Variants in SI observed in about 807,000 individuals in gnomAD.
The protein encoded by SI is sucrase-isomaltase.
A neutral mutation model predicts 253.3 loss-of-function variants in SI; 235 were observed. The ratio of observed to expected loss-of-function variants is 0.93; its 90% CI spans 0.83 to 1.03. SI has a LOEUF of 1.03. SI is among the 50% of genes least tolerant of loss of function. The pLI is 0.00. For missense variants in SI, 2,442 were observed against 2,211.1 expected, an observed-to-expected ratio of 1.10 and a Z score of -2.09; for synonymous variants, 819 against 712.0, an observed-to-expected ratio of 1.15 and a Z score of -2.39.
intron 8 of SI, 106 bp from the exon 9 acceptor site, chr3:165,062,589 A>G (rs1365259504): frequency 3.1e-6 from 2 of 642,934 alleles, no homozygotes; most frequent in African/African-American, 1.8e-5. Context: ...TTATTTTACA[A>G]TATGTTTAAA....
upstream of SI, among the ~76,000 whole-genome samples, chr3:165,082,904 T>G (rs1329405831): frequency 6.6e-6 from 1 of 151,942 alleles, no homozygotes; most frequent in Non-Finnish European, 1.5e-5. Context: ...TTTAGACTTG[T>G]GCTGTGTGGC....
intron 12 of SI, among the ~76,000 whole-genome samples, chr3:165,058,514 A>G (rs1253430526): frequency 2.0e-5 from 3 of 151,948 alleles, no homozygotes; most frequent in African/African-American, 4.8e-5. Context: ...AAATATAAAC[A>G]AAGTCAACTA....
At chr3:165,045,905 C>A (rs1713082978) in intron 16 of SI, among the ~76,000 whole-genome samples, 1 of 142,184 alleles carries the variant, frequency 7.0e-6, no homozygotes, top group Admixed American at 7.3e-5. Context: ...CCAATCTTGG[C>A]TCTGTGCAAC....
chr3:165,088,057 A>C, the SI span, among the ~76,000 whole-genome samples: 1 of 152,160 alleles, frequency 6.6e-6, no homozygotes, highest in South Asian at 2.1e-4. Context: ...TAAAATAAAA[A>C]ATAAAGGTCC....
intron 34 of SI, among the ~76,000 whole-genome samples, chr3:165,011,583 T>C (rs1289505628): frequency 2.0e-5 from 3 of 152,030 alleles, no homozygotes; most frequent in Non-Finnish European, 4.4e-5. Context: ...ATATGGCTGC[T>C]TTTGGGTAGA....
At chr3:165,068,193 T>G (rs2108099008) in intron 5 of SI, among the ~76,000 whole-genome samples, 1 of 152,290 alleles carries the variant, frequency 6.6e-6, no homozygotes, top group Admixed American at 6.5e-5. Flanking sequence ...AGCCTGTAGT[T>G]TAAATAATAA....
Position 165,055,208 on chromosome 3 carries a change from C to T in SI, c.1498G>A (p.Asp500Asn), listed in dbSNP as rs1177242379. The change falls in exon 13 of 48, where the codon GAT (aspartate) becomes AAT (asparagine). Residue 500 changes from aspartate (D) to asparagine (N), a missense_variant. Physicochemically the swap from Asp to Asn is conservative, Grantham distance 23. Transcript: ENST00000264382. ...CSIFHQEVQY[D>N]GLWIDMNEVS... Reference sequence around the variant, plus strand: ...TAGCTACTTACAATCCAAAGTCCATCATATTGCACTTCTTGATGGAAAATA... The same window carrying T: ...TAGCTACTTACAATCCAAAGTCCATTATATTGCACTTCTTGATGGAAAATA... The T allele has an allele frequency of 1.2e-6, 2 of 1,602,574 alleles. No individual in the cohort carries two copies. The highest frequency in any genetic ancestry group is 2.2e-5 in the South Asian group (2 of 90,836).
At chr3:165,046,170 GTTAC>G (rs1290735054) in intron 16 of SI, among the ~76,000 whole-genome samples, 1 of 151,968 alleles carries the variant, frequency 6.6e-6, no homozygotes, top group Non-Finnish European at 1.5e-5. Flanking sequence ...GTGTGGGGGT[GTTAC>G]TTTTATTGAT....
intron 35 of SI, among the ~76,000 whole-genome samples, chr3:165,008,943 C>G (rs1422080698): frequency 1.1e-4 from 17 of 151,852 alleles, no homozygotes. Context: ...ATTTTTATCT[C>G]TCATACAAAG....
chr3:165,085,811 G>A, the SI span, among the ~76,000 whole-genome samples: 4 of 152,072 alleles, frequency 2.6e-5, no homozygotes, highest in Non-Finnish European at 4.4e-5. Context: ...AAACTTCTTT[G>A]ATGTTTTCAG....
At chr3:165,067,307 T>A (rs1329605145) in intron 6 of SI, 33 bp downstream of exon 6, 2 of 1,430,450 alleles carry the variant, frequency 1.4e-6, no homozygotes, top group African/African-American at 1.4e-5. Flanking sequence ...AATAATAGAA[T>A]AAACTTATAT....
intron 44 of SI, 152 bp downstream of exon 44, chr3:164,991,201 A>G (rs550599390): frequency 9.1e-5 from 74 of 817,660 alleles, no homozygotes; most frequent in Non-Finnish European, 1.4e-4. Context: ...AACCACAAAC[A>G]CTTTTGTCTC....
chr3:165,017,710 C>A, intron 30 of SI, 37 bp from the exon 31 acceptor site: 1 of 1,605,286 alleles, frequency 6.2e-7, no homozygotes, highest in Non-Finnish European at 8.5e-7. Flanking sequence ...AAGAGAATTA[C>A]TTTATGCTAT....
chr3:165,072,464 A>G (rs912592354), intron 3 of SI, among the ~76,000 whole-genome samples: 4 of 152,086 alleles, frequency 2.6e-5, no homozygotes, highest in Non-Finnish European at 4.4e-5. Context: ...AATAAAAATC[A>G]TATTTGAAAA....
chr3:165,046,240 T>G (rs1158210872), intron 16 of SI, among the ~76,000 whole-genome samples: 1 of 152,096 alleles, frequency 6.6e-6, no homozygotes, highest in African/African-American at 2.4e-5. Context: ...ATCACTATAG[T>G]TTTATAATAC....
intron 20 of SI, 145 bp from the exon 21 acceptor site, chr3:165,038,169 T>A: frequency 2.8e-6 from 2 of 705,014 alleles, no homozygotes; most frequent in East Asian, 2.9e-5. Flanking sequence ...TTAGGAGAAT[T>A]TTTTTTTTCA....
intron 6 of SI, among the ~76,000 whole-genome samples, chr3:165,066,537 A>T (rs967702445): frequency 1.3e-5 from 2 of 151,870 alleles, no homozygotes; most frequent in African/African-American, 2.4e-5. Flanking sequence ...TTGGTCTCAA[A>T]AACATGTTGT....
intron 25 of SI, among the ~76,000 whole-genome samples, chr3:165,024,673 GC>G (rs1223578446): frequency 6.6e-6 from 1 of 150,950 alleles, no homozygotes; most frequent in African/African-American, 2.4e-5. Context: ...CCTCTCTCTT[GC>G]ATCAATAATA....
intron 38 of SI, among the ~76,000 whole-genome samples, chr3:164,997,487 C>A (rs543916334): frequency 6.7e-6 from 1 of 149,798 alleles, no homozygotes; most frequent in African/African-American, 2.5e-5. Flanking sequence ...TCCCTAGAAT[C>A]TAGAATCTTT....
Sources: gnomAD v4.1 joint callset for allele counts (sites outside exome capture counted in the v4.1 genomes callset) on GRCh38, gnomAD v4.1.1 for gene constraint, MANE v1.5 for transcripts, NCBI Gene and HGNC (gene_info 2026-07-23, HGNC 2026-07-21) for gene names.